The following DNMT3B variants were observed in gnomAD, a reference collection of about 807,000 sequenced individuals.
DNMT3B encodes DNA (cytosine-5)-methyltransferase 3B.
A neutral mutation model predicts 120.2 loss-of-function variants in DNMT3B; 37 were observed. The observed-to-expected ratio is 0.31, with a 90% CI of 0.24 to 0.40. The LOEUF (loss-of-function observed/expected upper bound fraction) is 0.40. DNMT3B is among the 10% of genes least tolerant of loss of function. The pLI, the probability that DNMT3B is intolerant of heterozygous loss-of-function variation, is 1.00. For synonymous variants in DNMT3B, 412 were observed against 442.8 expected, an observed-to-expected ratio of 0.93 and a Z score of 0.87; for missense variants, 878 against 1,137.3, an observed-to-expected ratio of 0.77 and a Z score of 3.28.
At chr20:32,770,522 G>A (rs914666085) in intron 1 of DNMT3B, among the ~76,000 whole-genome samples, 2 of 151,910 alleles carry the variant, frequency 1.3e-5, no homozygotes, top group African/African-American at 4.8e-5. Flanking sequence ...GATCAGGCTG[G>A]TCTCGAACTC....
At chr20:32,806,349 G>A in intron 22 of DNMT3B, 22 bp downstream of exon 22, 1 of 1,608,894 alleles carries the variant, frequency 6.2e-7, no homozygotes, top group Admixed American at 1.7e-5. Flanking sequence ...TGCACTTGGA[G>A]AGGGAAACTG....
intron 9 of DNMT3B, 44 bp downstream of exon 9, chr20:32,792,814 G>A: frequency 6.2e-7 from 1 of 1,612,824 alleles, no homozygotes; most frequent in Non-Finnish European, 8.5e-7. Context: ...CTCTGCTGGT[G>A]GGACCACTTC....
At chr20:32,789,700 TCTC>T (rs924497236) in intron 7 of DNMT3B, among the ~76,000 whole-genome samples, 3 of 152,072 alleles carry the variant, frequency 2.0e-5, no homozygotes, top group South Asian at 4.1e-4. Context: ...TTCAAACAAT[TCTC>T]CTGCCTCAGC....
intron 1 of DNMT3B, among the ~76,000 whole-genome samples, chr20:32,773,487 T>C (rs551745749): frequency 6.6e-6 from 1 of 152,266 alleles, no homozygotes; most frequent in Admixed American, 6.5e-5. Context: ...CACATGAGAA[T>C]AAGTGACTTC....
rs111877243 is a variant in DNMT3B, at chr20:32,786,603, C to T, written c.408C>T (p.Ser136=). The T allele has an allele frequency of 4.5e-5, 73 of 1,613,838 alleles. No homozygotes were observed. In the Middle Eastern group the frequency reaches 1.3e-3, roughly 29 times the overall value. ...AGGGCCGCAACCATGTGGACGAGTC[C>T]CCCGTGGAGTTCCCGGCTACCAGGG... The part of the protein sequence containing the change: ...GRQGRNHVDE[S]PVEFPATRSL... The change falls in exon 5 of 23, where the codon TCC becomes TCT. Residue 136 remains serine (S), a synonymous_variant. Coordinates refer to ENST00000328111, the MANE Select transcript of DNMT3B (RefSeq NM_006892.4).
intron 21 of DNMT3B, among the ~76,000 whole-genome samples, chr20:32,805,705 T>C (rs1601140109): frequency 6.6e-6 from 1 of 152,214 alleles, no homozygotes; most frequent in Non-Finnish European, 1.5e-5. Context: ...ATTAATCCTT[T>C]TGCCAAAAAA....
intron 10 of DNMT3B, among the ~76,000 whole-genome samples, chr20:32,794,342 C>CAAAAA (rs140316951): frequency 1.3e-5 from 1 of 79,548 alleles, no homozygotes; most frequent in African/African-American, 5.0e-5. Flanking sequence ...GAACCTGTCT[C>CAAAAA]AAAAAAAAAA....
intron 1 of DNMT3B, among the ~76,000 whole-genome samples, chr20:32,770,614 T>A (rs1601049543): frequency 1.3e-5 from 2 of 151,612 alleles, no homozygotes; most frequent in East Asian, 3.9e-4. Context: ...GCCTTACTTT[T>A]TTTTTTTTTT....
intron 1 of DNMT3B, among the ~76,000 whole-genome samples, chr20:32,777,005 G>A (rs577684770): frequency 6.6e-6 from 1 of 152,260 alleles, no homozygotes; most frequent in East Asian, 1.9e-4. Context: ...GGTGTGCGCT[G>A]TCTACACAGC....
chr20:32,764,671 G>C (rs1987194357), intron 1 of DNMT3B, among the ~76,000 whole-genome samples: 1 of 152,222 alleles, frequency 6.6e-6, no homozygotes, highest in African/African-American at 2.4e-5. Flanking sequence ...CTACTGCAAA[G>C]GTGTAATTGC....
chr20:32,802,287 AT>A, intron 19 of DNMT3B, 97 bp from the exon 20 acceptor site: 1 of 1,304,728 alleles, frequency 7.7e-7, no homozygotes, highest in South Asian at 1.2e-5. Flanking sequence ...TCCGTGCCTC[AT>A]CCATAGTCAG....
intron 15 of DNMT3B, 97 bp downstream of exon 15, chr20:32,798,740 C>CA: frequency 6.5e-7 from 1 of 1,535,124 alleles, no homozygotes; most frequent in Non-Finnish European, 8.9e-7. Flanking sequence ...GAAGTAAAGA[C>CA]ACGTTGTACC....
intron 1 of DNMT3B, among the ~76,000 whole-genome samples, chr20:32,773,263 C>T (rs540618591): frequency 2.0e-5 from 3 of 152,066 alleles, no homozygotes; most frequent in African/African-American, 2.4e-5. Flanking sequence ...TGTGCCACCA[C>T]GCCTAGTTTA....
chr20:32,775,787 G>A (rs1988037084), intron 1 of DNMT3B, among the ~76,000 whole-genome samples: 1 of 152,252 alleles, frequency 6.6e-6, no homozygotes, highest in Non-Finnish European at 1.5e-5. Flanking sequence ...TGTAATTCTT[G>A]TCTGTCTTGT....
chr20:32,807,795 G>A lies in DNMT3B; in HGVS notation c.2454G>A (p.Val818=), dbSNP rs1357470570. The A allele has an allele frequency of 6.2e-7, 1 of 1,614,200 alleles. No individual in the cohort carries two copies. Among genetic ancestry groups the A allele is most frequent in the South Asian group, 1.1e-5 (1 of 91,086 alleles). Residue 818 remains valine, a synonymous_variant, in exon 23 of 23, where the codon GTG becomes GTA. Coordinates refer to ENST00000328111, the MANE Select transcript of DNMT3B (RefSeq NM_006892.4). ...GCTTTCCTGTGCACTACACAGACGT[G>A]TCCAACATGGGCCGTGGTGCCCGCC... ...IFGFPVHYTD[V]SNMGRGARQK...
At position 32,772,551 on chromosome 20, in the gene DNMT3B, T is replaced by G. The variant is rs542003961; in HGVS notation, c.-6-7767T>G. Among the ~76,000 whole-genome samples the G allele has an allele frequency of 9.9e-4, 151 of 152,258 alleles. No individual in the cohort carries two copies. In the Middle Eastern group the frequency reaches 0.017, roughly 17 times the overall value. ...AATTGGGCATAGCAGTGCCTAGGAT[T>G]CTGCTCCAATGCTGCCCCTCATTCT... On this transcript the variant is annotated intron_variant, in intron 1 of 22. Transcript: ENST00000328111.
intron 5 of DNMT3B, 93 bp from the exon 6 acceptor site, chr20:32,787,137 T>C: frequency 6.8e-7 from 1 of 1,460,976 alleles, no homozygotes; most frequent in Non-Finnish European, 9.6e-7. Flanking sequence ...CTTTCCTCTT[T>C]CTTTTTGCCT....
chr20:32,798,475 G>T lies in DNMT3B; in HGVS notation c.1506G>T (p.Glu502Asp), dbSNP rs1325284333. 1 of 1,614,112 alleles carries T rather than the reference G, an allele frequency of 6.2e-7. No homozygotes were observed. Among genetic ancestry groups the T allele is most frequent in the African/African-American group, 1.3e-5 (1 of 74,946 alleles). ...CTGGGTCCAGGTGTTTCTGTGTGGA[G>T]TGCCTGGAGGTGCTGGTGGGCACAG... ...NTSCCRCFCV[E>D]CLEVLVGTGT... Residue 502 changes from glutamate (E) to aspartate (D), a missense_variant, in exon 15 of 23, where the codon GAG (glutamate) becomes GAT (aspartate). This residue lies in a region of DNMT3B where 334 missense variants were observed against 518.8 expected (regional missense o/e 0.64). Transcript: ENST00000328111.
At position 32,807,811 on chromosome 20, in the gene DNMT3B, G is replaced by A. The variant is rs1306339773; in HGVS notation, c.2470G>A (p.Gly824Ser). 2 of 1,614,192 alleles carry A rather than the reference G, an allele frequency of 1.2e-6. No homozygotes were observed. Among genetic ancestry groups the A allele is most frequent in the Admixed American group, 1.7e-5 (1 of 60,028 alleles). Residue 824 changes from glycine to serine, a missense_variant, in exon 23 of 23, where the codon GGT becomes AGT. Transcript: ENST00000328111. ...CACAGACGTGTCCAACATGGGCCGT[G>A]GTGCCCGCCAGAAGCTGCTGGGAAG... ...HYTDVSNMGR[G>S]ARQKLLGRSW...
Sources: allele counts gnomAD v4.1 joint callset (sites outside exome capture counted in the v4.1 genomes callset), GRCh38; gene constraint gnomAD v4.1.1; regional missense constraint gnomAD v4.1.1; transcripts MANE v1.5; gene names NCBI Gene and HGNC (gene_info 2026-07-23, HGNC 2026-07-21).